The following GPAM variants were observed in gnomAD, a reference collection of about 807,000 sequenced individuals.
The protein encoded by GPAM is glycerol-3-phosphate acyltransferase 1, mitochondrial.
Under a neutral mutation model 105.0 loss-of-function variants are expected in GPAM, and 56 were observed. The ratio of observed to expected loss-of-function variants is 0.53; its 90% CI spans 0.43 to 0.67. The LOEUF is 0.67. Among genes scored for constraint, GPAM ranks in the 30% least tolerant of loss-of-function variants. GPAM has a pLI of 0.00. For synonymous variants in GPAM, 368 were observed against 354.4 expected (o/e 1.04, Z -0.43); for missense variants, 855 against 989.8 (o/e 0.86, Z 1.83).
chr10:112,166,455 G>C lies in GPAM; in HGVS notation c.1168C>G (p.Arg390Gly). Residue 390 changes from arginine (R) to glycine (G), a missense_variant, in exon 12 of 22, where the codon CGA becomes GGA. Arg to Gly is a moderately radical substitution (Grantham distance 125, BLOSUM62 -2). Coordinates refer to ENST00000348367, the MANE Select transcript of GPAM (RefSeq NM_001244949.2). ...ACTCGGACACAACCATAGTTTTTTC[G>C]TAACATTCTAATAACACCTCTTGCT... Reference protein sequence around the residue: ...SVARGVIRMLRKNYGCVRVDF... With the variant: ...SVARGVIRMLGKNYGCVRVDF... 1 of 1,612,378 alleles carries C rather than the reference G, an allele frequency of 6.2e-7. No individual in the cohort carries two copies.
chr10:112,224,711 C>T, the GPAM span, among the ~76,000 whole-genome samples: 2 of 152,054 alleles, frequency 1.3e-5, no homozygotes, highest in Non-Finnish European at 2.9e-5. Flanking sequence ...GTAAAATATG[C>T]AAGTACTAAG....
intron 5 of GPAM, among the ~76,000 whole-genome samples, 176 bp from the exon 6 acceptor site, chr10:112,175,889 T>C (rs1456562755): frequency 6.6e-6 from 1 of 152,220 alleles, no homozygotes; most frequent in Non-Finnish European, 1.5e-5. Flanking sequence ...GCCAATTTTA[T>C]TCATGTACTC....
At chr10:112,211,051 A>C (rs1040464539) in intron 1 of GPAM, among the ~76,000 whole-genome samples, 2 of 152,222 alleles carry the variant, frequency 1.3e-5, no homozygotes, top group Non-Finnish European at 2.9e-5. Context: ...GGACACAGAG[A>C]ACTGGGTCTA....
chr10:112,178,034 G>T lies in GPAM; in HGVS notation c.249C>A (p.Ile83=). 6.3e-7 allele frequency: 1 copy of T among 1,597,960 alleles called. No individual in the cohort carries two copies. The highest frequency in any genetic ancestry group is 8.6e-7 in the Non-Finnish European group (1 of 1,165,632). ...TAACATTCCGCAAACCCAAAGACGGGATACTGGGGTTGAAAAATTTGTCCT... is the reference window on the plus strand; with the variant it reads ...TAACATTCCGCAAACCCAAAGACGGTATACTGGGGTTGAAAAATTTGTCCT... ...QSWDKFFNPS[I]PSLGLRNVIY... is the part of the protein sequence containing the mutation. The change falls in exon 5 of 22, where the codon ATC becomes ATA. Residue 83 remains isoleucine (I), a synonymous_variant. Coordinates refer to ENST00000348367, the MANE Select transcript of GPAM (RefSeq NM_001244949.2).
chr10:112,177,190 T>C (rs1847422705), intron 5 of GPAM, among the ~76,000 whole-genome samples: 1 of 152,234 alleles, frequency 6.6e-6, no homozygotes, highest in South Asian at 2.1e-4. Flanking sequence ...GTTTACTATA[T>C]ATCCAAGTAT....
At chr10:112,188,313 G>A (rs1267658205), upstream of GPAM, among the ~76,000 whole-genome samples, 1 of 152,056 alleles carries the variant, frequency 6.6e-6, no homozygotes, top group Non-Finnish European at 1.5e-5. Flanking sequence ...AAAAGAGGAG[G>A]ACACACATTA....
chr10:112,175,191 C>A (rs1847381297), intron 6 of GPAM, among the ~76,000 whole-genome samples: 1 of 152,128 alleles, frequency 6.6e-6, no homozygotes, highest in Admixed American at 6.6e-5. Flanking sequence ...CTTTCCAGTA[C>A]AAGAATTTGT....
At chr10:112,217,685 T>C (rs1012746829), upstream of GPAM, among the ~76,000 whole-genome samples, 5 of 152,218 alleles carry the variant, frequency 3.3e-5, no homozygotes, top group Non-Finnish European at 7.3e-5. Flanking sequence ...TTCTGTCTCA[T>C]GTAACCCTCC....
the GPAM span, among the ~76,000 whole-genome samples, chr10:112,226,651 C>G: frequency 6.9e-3 from 1,050 of 152,266 alleles, 11 homozygotes; most frequent in African/African-American, 0.024. Flanking sequence ...GGTGATCAAA[C>G]AGAGAAACAG....
intron 7 of GPAM, 61 bp from the exon 8 acceptor site, chr10:112,173,127 A>C: frequency 1.1e-6 from 1 of 934,436 alleles, no homozygotes; most frequent in South Asian, 1.3e-5. Flanking sequence ...TTTACATACA[A>C]GCACATACAG....
upstream of GPAM, among the ~76,000 whole-genome samples, chr10:112,217,912 A>G (rs1306533867): frequency 1.3e-5 from 2 of 152,220 alleles, no homozygotes; most frequent in African/African-American, 4.8e-5. Context: ...AGCTGTTTAG[A>G]TCAAGAGAAA....
At chr10:112,200,107 G>T (rs545049777) in intron 1 of GPAM, among the ~76,000 whole-genome samples, 1 of 147,698 alleles carries the variant, frequency 6.8e-6, no homozygotes, top group African/African-American at 2.5e-5. Flanking sequence ...CTGGAGACAG[G>T]AGTACATATT....
Position 112,153,595 on chromosome 10 carries a change from G to C in GPAM, c.2442C>G (p.Asn814Lys), listed in dbSNP as rs1219884765. The C allele has an allele frequency of 6.2e-7, 1 of 1,613,962 alleles. No individual in the cohort carries two copies. Among genetic ancestry groups the C allele is most frequent in the Non-Finnish European group, 8.5e-7 (1 of 1,179,914 alleles). ...ELSSTFLPQC[N>K]RQKLLEYILS... is the part of the protein sequence containing the mutation. ...GAATATATTCTAGAAGTTTTTGTCG[G>C]TTGCATTGAGGTAGAAAAGTGCTGC... Residue 814 changes from asparagine (N) to lysine (K), a missense_variant, in exon 22 of 22, where the codon AAC (asparagine) becomes AAG (lysine). Physicochemically the swap from Asn to Lys is moderately conservative, Grantham distance 94 (BLOSUM62 0). Coordinates refer to ENST00000348367, the MANE Select transcript of GPAM (RefSeq NM_001244949.2).
chr10:112,172,103 C>A, intron 9 of GPAM, 79 bp downstream of exon 9: 3 of 1,046,774 alleles, frequency 2.9e-6, no homozygotes, highest in Admixed American at 1.8e-5. Context: ...AATAACATAT[C>A]GAAAGCTATA....
Position 112,151,970 on chromosome 10 carries a change from A to T in GPAM, c.*1580T>A. ...AAATATATTTTAAATGCAGAACTTG[A>T]GAGGGATCACAACAGCATAGCATTA... On this transcript the variant is annotated 3_prime_UTR_variant, in exon 22 of 22. Transcript: ENST00000348367. 1 of 981,470 alleles carries T rather than the reference A, an allele frequency of 1.0e-6. No individual in the cohort carries two copies. Among genetic ancestry groups the T allele is most frequent in the South Asian group, 4.7e-5 (1 of 21,214 alleles). The allele number at this position is 981,470 out of a possible 1,614,324, so 60.8% of individuals were successfully genotyped here.
Position 112,150,780 on chromosome 10 carries a change from C to T in GPAM, c.*2770G>A, listed in dbSNP as rs1846902043. 1 of 985,284 alleles carries T rather than the reference C, an allele frequency of 1.0e-6. No homozygotes were observed. The highest frequency in any genetic ancestry group is 4.7e-5 in the South Asian group (1 of 21,290). The allele number at this position is 985,284 out of a possible 1,614,324, so 61.0% of individuals were successfully genotyped here. A position where few individuals can be genotyped will look rare whatever the true frequency, so the allele number is the denominator to read the frequency against. On this transcript the variant is annotated 3_prime_UTR_variant, in exon 22 of 22. Coordinates refer to ENST00000348367, the MANE Select transcript of GPAM (RefSeq NM_001244949.2). ...CCAGCAACACCATTTCTATAAAACACTGATGAACATCTCACAGAGCACTCA... is the reference window on the plus strand; with the variant it reads ...CCAGCAACACCATTTCTATAAAACATTGATGAACATCTCACAGAGCACTCA...
At chr10:112,177,954 G>A (rs1847436462) in intron 5 of GPAM, 30 bp downstream of exon 5, 1 of 1,177,934 alleles carries the variant, frequency 8.5e-7, no homozygotes, top group Non-Finnish European at 1.3e-6. Context: ...CTTTTGAGAT[G>A]TATTAAAAAC....
In GPAM at chr10:112,152,292, T is replaced by A. The variant is rs951715583; in HGVS notation, c.*1258A>T. On this transcript the variant is annotated 3_prime_UTR_variant, in exon 22 of 22. Coordinates refer to ENST00000348367, the MANE Select transcript of GPAM (RefSeq NM_001244949.2). ...CACCATAATTACCATAATAAACCAA[T>A]AATTATGCTCCCTGCTCACAAAAGG... 1.0e-6 allele frequency: 1 copy of A among 983,812 alleles called. No individual in the cohort carries two copies. Among genetic ancestry groups the A allele is most frequent in the African/African-American group, 1.7e-5 (1 of 57,204 alleles). The allele number at this position is 983,812 out of a possible 1,614,324, so 60.9% of individuals were successfully genotyped here. A position where few individuals can be genotyped will look rare whatever the true frequency, so the allele number is the denominator to read the frequency against.
chr10:112,224,122 C>T, the GPAM span, among the ~76,000 whole-genome samples: 4 of 152,050 alleles, frequency 2.6e-5, no homozygotes, highest in African/African-American at 9.7e-5. Context: ...CATCCCACAC[C>T]CCCCAACTGA....
Sources: gnomAD v4.1 joint callset for allele counts (sites outside exome capture counted in the v4.1 genomes callset) on GRCh38, gnomAD v4.1.1 for gene constraint, MANE v1.5 for transcripts, NCBI Gene and HGNC (gene_info 2026-07-23, HGNC 2026-07-21) for gene names.